RNF145: variants seen among roughly 807,000 people sequenced by gnomAD.
The protein encoded by RNF145 is ring finger protein 145.
In RNF145, 12 loss-of-function variants were observed where a neutral mutation model predicts 57.3. The ratio of observed to expected loss-of-function variants is 0.21; its 90% CI spans 0.13 to 0.34. The LOEUF (loss-of-function observed/expected upper bound fraction) is 0.34. Ranked by LOEUF, RNF145 falls within the 10% of genes least tolerant of loss-of-function variation. The pLI is 1.00. For missense variants in RNF145, 429 were observed against 799.0 expected (o/e 0.54, Z 5.58); for synonymous variants, 262 against 288.3 (o/e 0.91, Z 0.92).
intron 8 of RNF145, among the ~76,000 whole-genome samples, chr5:159,167,187 T>C (rs1344975023): frequency 1.3e-5 from 2 of 152,218 alleles, no homozygotes; most frequent in Admixed American, 6.5e-5. Context: ...TAGCTGATGG[T>C]TAGTCTCTTA....
Position 159,158,676 on chromosome 5 carries a change from T to G in RNF145, c.1986A>C (p.Ser662=), listed in dbSNP as rs1784116803. 6.2e-7 allele frequency: 1 copy of G among 1,613,656 alleles called. No homozygotes were observed. The highest frequency in any genetic ancestry group is 1.3e-5 in the African/African-American group (1 of 74,942). Residue 662 remains serine, a synonymous_variant, in exon 11 of 11, where the codon TCA becomes TCC. Coordinates refer to ENST00000424310, the MANE Select transcript of RNF145 (RefSeq NM_001199383.2). ...CATTCCTGCTGCTTCTCCTCTAGGC[T>G]GATTCAACAGGATGTGCTTCATCTT... The part of the protein sequence containing the change: ...SAKDEAHPVE[S]A
At chr5:159,178,513 C>T (rs1784784720) in intron 4 of RNF145, among the ~76,000 whole-genome samples, 2 of 152,096 alleles carry the variant, frequency 1.3e-5, no homozygotes, top group African/African-American at 4.8e-5. Context: ...ATGTTATTTT[C>T]CAGATTAATT....
chr5:159,163,603 C>A (rs1209465063), intron 8 of RNF145, among the ~76,000 whole-genome samples: 1 of 152,178 alleles, frequency 6.6e-6, no homozygotes, highest in African/African-American at 2.4e-5. Flanking sequence ...TGACTGAGAG[C>A]AACTGTATTG....
chr5:159,168,774 C>T (rs1784460706), intron 8 of RNF145, 99 bp downstream of exon 8: 1 of 702,564 alleles, frequency 1.4e-6, no homozygotes, highest in African/African-American at 1.9e-5. Context: ...TTACCCATAT[C>T]CATTTTCTGT....
Position 159,174,279 on chromosome 5 carries a change from G to C in RNF145, c.622-121C>G, listed in dbSNP as rs538937441. The C allele has an allele frequency of 6.0e-6, 4 of 665,914 alleles. No homozygotes were observed. In the Admixed American group the frequency reaches 9.6e-5, roughly 16 times the overall value. 41.3% of individuals were successfully genotyped at this position (665,914 alleles called of 1,614,324 possible). On this transcript the variant is annotated intron_variant, in intron 5 of 10. Coordinates refer to ENST00000424310, the MANE Select transcript of RNF145 (RefSeq NM_001199383.2). ...TTTCTTTGATTGCAAGACTGTTTCA[G>C]CTAAATTCCTTTAAAGTTAGCCTAT...
intron 3 of RNF145, among the ~76,000 whole-genome samples, chr5:159,188,393 C>CAA (rs1239278079): frequency 8.4e-6 from 1 of 118,610 alleles, no homozygotes; most frequent in Admixed American, 8.7e-5. Flanking sequence ...GACTCTGTCT[C>CAA]AAAAAAAAAA....
upstream of RNF145, chr5:159,209,641 C>CA (rs894339121): frequency 2.9e-6 from 3 of 1,023,620 alleles, no homozygotes; most frequent in Non-Finnish European, 3.8e-6. Flanking sequence ...CGCGCTCACT[C>CA]ACAATCGCGC....
At chr5:159,168,342 C>T (rs1784449785) in intron 8 of RNF145, among the ~76,000 whole-genome samples, 1 of 152,098 alleles carries the variant, frequency 6.6e-6, no homozygotes, top group Non-Finnish European at 1.5e-5. Context: ...TATAAGTTGT[C>T]AAGAATCCTT....
intron 1 of RNF145, among the ~76,000 whole-genome samples, chr5:159,208,952 G>T (rs1444414155): frequency 6.6e-6 from 1 of 151,716 alleles, no homozygotes; most frequent in Non-Finnish European, 1.5e-5. Context: ...CTGGAACAGA[G>T]GGGGCTTTGC....
At position 159,161,595 on chromosome 5, in the gene RNF145, A is replaced by T. The variant is rs540581579; in HGVS notation, c.1297T>A (p.Leu433Ile). The change falls in exon 10 of 11, where the codon TTA becomes ATA. Residue 433 changes from leucine (L) to isoleucine (I), a missense_variant. By Grantham distance (5) the Leu-to-Ile change is conservative. This residue lies in a region of RNF145 where 216 missense variants were observed against 457.6 expected (regional missense o/e 0.47). Transcript: ENST00000424310. The stretch of plus-strand genomic sequence containing the variant: ...TTTCTGAATTCCTCAACCATAAATA[A>T]GACATAAATAAAAAGTGTTCCCAGA... The part of the protein sequence containing the change: ...QVLGTLFIYV[L>I]FMVEEFRKEP... 8 of 1,599,704 alleles carry T rather than the reference A, an allele frequency of 5.0e-6. No homozygotes were observed. The East Asian group carries it at 1.1e-4, about 22-fold the overall frequency.
At chr5:159,171,089 T>C (rs1784537662) in intron 6 of RNF145, among the ~76,000 whole-genome samples, 1 of 152,198 alleles carries the variant, frequency 6.6e-6, no homozygotes, top group African/African-American at 2.4e-5. Flanking sequence ...CAATGTACAC[T>C]ATGATGAGAA....
intron 3 of RNF145, among the ~76,000 whole-genome samples, chr5:159,188,457 G>GT (rs1475058370): frequency 6.6e-6 from 1 of 151,380 alleles, no homozygotes; most frequent in Non-Finnish European, 1.5e-5. Context: ...CTGTGGATGT[G>GT]ACCACACCCT....
At chr5:159,206,886 A>G (rs1785906222) in intron 1 of RNF145, among the ~76,000 whole-genome samples, 1 of 152,124 alleles carries the variant, frequency 6.6e-6, no homozygotes, top group South Asian at 2.1e-4. Context: ...AATATCCAAC[A>G]TGATGTGTCT....
chr5:159,160,256 A>G (rs1033945645), intron 10 of RNF145, among the ~76,000 whole-genome samples: 1 of 152,196 alleles, frequency 6.6e-6, no homozygotes, highest in Non-Finnish European at 1.5e-5. Flanking sequence ...GGAACCCTAC[A>G]TTACTCCTCA....
chr5:159,171,752 G>GT (rs949172898), intron 6 of RNF145, among the ~76,000 whole-genome samples: 3 of 152,044 alleles, frequency 2.0e-5, no homozygotes, highest in East Asian at 1.9e-4. Context: ...TAAATAAGTT[G>GT]TTTTTTTGGC....
rs1784101033 is a variant in RNF145 at position 159,158,091 on chromosome 5, CT to C, written c.*578del. On this transcript the variant is annotated 3_prime_UTR_variant, in exon 11 of 11. Transcript: ENST00000424310. ...AAAGCACATACAAAGTATGAGCGTG[CT>C]TCAATCTTTGAATACAATCAATGCT... 3 of 150,344 alleles carry C rather than the reference CT, an allele frequency of 2.0e-5. No individual in the cohort carries two copies. The highest frequency in any genetic ancestry group is 4.4e-5 in the Non-Finnish European group (3 of 67,856). The allele number at this position is 150,344 out of a possible 1,614,324, so 9.3% of individuals were successfully genotyped here.
rs1784223006 is a variant in RNF145, at chr5:159,161,711, G to A, written c.1270-89C>T. On this transcript the variant is annotated intron_variant, in intron 9 of 10. Coordinates refer to ENST00000424310, the MANE Select transcript of RNF145 (RefSeq NM_001199383.2). ...CTTTAAACAATAACACATTCCTGAT[G>A]TTTTTAGGGTGCAATATTTCAAATA... 4.0e-6 allele frequency: 3 copies of A among 746,066 alleles called. No individual in the cohort carries two copies. In the African/African-American group the frequency reaches 5.3e-5, roughly 13 times the overall value. The allele number at this position is 746,066 out of a possible 1,614,324, so 46.2% of individuals were successfully genotyped here.
intron 2 of RNF145, among the ~76,000 whole-genome samples, chr5:159,202,553 A>C (rs1785707169): frequency 6.6e-6 from 1 of 151,940 alleles, no homozygotes; most frequent in African/African-American, 2.4e-5. Flanking sequence ...TCTCAGGGCT[A>C]AGTTTTAGAA....
At chr5:159,182,152 T>C (rs1344786490) in intron 3 of RNF145, 101 bp from the exon 4 acceptor site, 4 of 611,814 alleles carry the variant, frequency 6.5e-6, no homozygotes, top group Non-Finnish European at 8.5e-6. Flanking sequence ...CCCCTTTCCA[T>C]ATCTAAGGAA....
Sources: gnomAD v4.1 joint callset for allele counts (sites outside exome capture counted in the v4.1 genomes callset) on GRCh38, gnomAD v4.1.1 for gene constraint, gnomAD v4.1.1 regional missense constraint, MANE v1.5 for transcripts, NCBI Gene and HGNC (gene_info 2026-07-23, HGNC 2026-07-21) for gene names.